ANKRD62: variants seen among roughly 807,000 people sequenced by gnomAD.
ANKRD62 encodes the protein ankyrin repeat domain 62.
ANKRD62 carries 61 observed loss-of-function variants against 98.8 expected under a neutral mutation model. The ratio of observed to expected loss-of-function variants is 0.62; its 90% CI spans 0.50 to 0.76. ANKRD62 has a LOEUF of 0.76. Ranked by LOEUF, ANKRD62 falls within the 30% of genes least tolerant of loss-of-function variation. The pLI is 0.00. For missense variants in ANKRD62, 933 were observed against 1,082.9 expected (o/e 0.86, Z 1.94); for synonymous variants, 341 against 367.9 (o/e 0.93, Z 0.84).
chr18:12,166,114 G>A, the ANKRD62 span, among the ~76,000 whole-genome samples: 1 of 152,040 alleles, frequency 6.6e-6, no homozygotes, highest in African/African-American at 2.4e-5. Flanking sequence ...CCTGGAGGTA[G>A]TCTGTTTTGG....
chr18:12,117,792 C>T (rs1909696284), intron 10 of ANKRD62, among the ~76,000 whole-genome samples: 1 of 152,168 alleles, frequency 6.6e-6, no homozygotes, highest in Admixed American at 6.5e-5. Flanking sequence ...TAAGCCAACC[C>T]TGCAGTCCTG....
At chr18:12,177,705 T>A in the ANKRD62 span, among the ~76,000 whole-genome samples, 12 of 151,682 alleles carry the variant, frequency 7.9e-5, no homozygotes, top group East Asian at 2.3e-3. Context: ...ATGTATTGAG[T>A]TCATCCTGGG....
At position 12,094,107 on chromosome 18, in the gene ANKRD62, C is replaced by T. The variant is rs1023118662; in HGVS notation, c.90C>T (p.Pro30=). The T allele has an allele frequency of 1.6e-5, 24 of 1,534,344 alleles. No homozygotes were observed. The highest frequency in any genetic ancestry group is 1.8e-5 in the Non-Finnish European group (21 of 1,146,650). Residue 30 remains proline (P), a synonymous_variant, in exon 1 of 14, where the codon CCC becomes CCT. Coordinates refer to ENST00000587848, the MANE Select transcript of ANKRD62 (RefSeq NM_001277333.2). ...KNRDKDGFSN[P]GYRVRQKDLG... ...GTGACAAGGATGGCTTCTCAAATCC[C>T]GGGTACCGAGTCCGGCAGAAGGATC...
At chr18:12,156,244 A>G in the ANKRD62 span, among the ~76,000 whole-genome samples, 1 of 152,154 alleles carries the variant, frequency 6.6e-6, no homozygotes, top group South Asian at 2.1e-4. Flanking sequence ...CCATAAACCA[A>G]ATACATTTCT....
chr18:12,169,100 CT>C, the ANKRD62 span, among the ~76,000 whole-genome samples: 1 of 152,186 alleles, frequency 6.6e-6, no homozygotes, highest in African/African-American at 2.4e-5. Context: ...TTGACTTCCT[CT>C]TTTCCTAATT....
chr18:12,107,735 T>C (rs1232997243), intron 8 of ANKRD62, among the ~76,000 whole-genome samples: 1 of 152,172 alleles, frequency 6.6e-6, no homozygotes, highest in Non-Finnish European at 1.5e-5. Context: ...AAATCTTTAT[T>C]GAAGGGTAGT....
intron 5 of ANKRD62, among the ~76,000 whole-genome samples, chr18:12,098,928 T>G (rs763567722): frequency 6.6e-6 from 1 of 152,252 alleles, no homozygotes; most frequent in Non-Finnish European, 1.5e-5. Flanking sequence ...GTTAGCTTTC[T>G]GCCTTTGGTG....
chr18:12,097,545 T>C, intron 4 of ANKRD62, 95 bp from the exon 5 acceptor site: 1 of 1,302,706 alleles, frequency 7.7e-7, no homozygotes, highest in Non-Finnish European at 1.0e-6. Flanking sequence ...TAATTCTACA[T>C]GGACAGGCAT....
At chr18:12,151,675 C>A in the ANKRD62 span, among the ~76,000 whole-genome samples, 209 of 152,254 alleles carry the variant, frequency 1.4e-3, no homozygotes, top group African/African-American at 4.9e-3. Flanking sequence ...AAGAATAAAT[C>A]AACCTCACAG....
At chr18:12,138,593 G>C in the ANKRD62 span, among the ~76,000 whole-genome samples, 3 of 152,206 alleles carry the variant, frequency 2.0e-5, no homozygotes, top group Admixed American at 6.5e-5. Flanking sequence ...TCAATTCCTG[G>C]ATGTCCTTGT....
the ANKRD62 span, among the ~76,000 whole-genome samples, chr18:12,151,196 A>G: frequency 3.3e-4 from 51 of 152,368 alleles, no homozygotes; most frequent in Admixed American, 9.8e-4. Flanking sequence ...AAAGAAGGGC[A>G]TTAAATAATG....
chr18:12,140,877 A>C, the ANKRD62 span, among the ~76,000 whole-genome samples: 1 of 152,166 alleles, frequency 6.6e-6, no homozygotes, highest in South Asian at 2.1e-4. Context: ...TCTCTCTTCA[A>C]AGCTGCCAGA....
At chr18:12,176,578 A>G in the ANKRD62 span, among the ~76,000 whole-genome samples, 9 of 123,216 alleles carry the variant, frequency 7.3e-5, 2 homozygotes, top group East Asian at 4.9e-4. Context: ...AGTAGCCCCC[A>G]GAAGGGTGTG....
downstream of ANKRD62, among the ~76,000 whole-genome samples, chr18:12,131,736 A>AGTGT (rs59080091): frequency 6.3e-4 from 94 of 148,812 alleles, no homozygotes; most frequent in South Asian, 9.0e-3. Flanking sequence ...TGTATGTGTG[A>AGTGT]GTGTGTGTGT....
rs1284943701 is a variant in ANKRD62, at chr18:12,115,389, A to G, written c.1099-4A>G. 7 of 1,528,708 alleles carry G rather than the reference A, an allele frequency of 4.6e-6. No homozygotes were observed. Among genetic ancestry groups the G allele is most frequent in the Non-Finnish European group, 6.1e-6 (7 of 1,143,114 alleles). The allele number at this position is 1,528,708 out of a possible 1,614,324, so 94.7% of individuals were successfully genotyped here. On this transcript the variant is annotated splice_region_variant and splice_polypyrimidine_tract_variant and intron_variant, in intron 9 of 13. Transcript: ENST00000587848. ...ATTTTGAAACAGTGTTATTTATTTT[A>G]TAGGTTAAAAGCCAAATATATTTCA...
In ANKRD62 at chr18:12,129,266, T is replaced by C. The variant is rs1208848592; in HGVS notation, c.*1327T>C. On this transcript the variant is annotated 3_prime_UTR_variant, in exon 14 of 14. Transcript: ENST00000587848. ...AATAGAAATTAGAAAAGAAAAATAC[T>C]GTGTTTTAATCCTAGAGCATAGGCA... The C allele has an allele frequency of 1.3e-5, 2 of 152,236 alleles. No individual in the cohort carries two copies. Among genetic ancestry groups the C allele is most frequent in the Non-Finnish European group, 2.9e-5 (2 of 68,054 alleles). 9.4% of individuals were successfully genotyped at this position (152,236 alleles called of 1,614,324 possible). A position where few individuals can be genotyped will look rare whatever the true frequency, so the allele number is the denominator to read the frequency against.
At chr18:12,130,150 C>A (rs1275946366), downstream of ANKRD62, among the ~76,000 whole-genome samples, 1 of 152,056 alleles carries the variant, frequency 6.6e-6, no homozygotes, top group Non-Finnish European at 1.5e-5. Context: ...TTTTGAAATG[C>A]ATAAATTTTC....
chr18:12,168,567 A>C, the ANKRD62 span, among the ~76,000 whole-genome samples: 2 of 152,158 alleles, frequency 1.3e-5, no homozygotes, highest in African/African-American at 2.4e-5. Flanking sequence ...GTCAGGTAGC[A>C]TGATGCCTTC....
chr18:12,102,597 CTGTT>C (rs1909327751), intron 6 of ANKRD62: 3 of 447,482 alleles, frequency 6.7e-6, no homozygotes, highest in Admixed American at 4.8e-5. Context: ...TTATATAAAA[CTGTT>C]TGTCTGGGGA....
Sources: gnomAD v4.1 joint callset for allele counts (sites outside exome capture counted in the v4.1 genomes callset) on GRCh38, gnomAD v4.1.1 for gene constraint, MANE v1.5 for transcripts, NCBI Gene and HGNC (gene_info 2026-07-23, HGNC 2026-07-21) for gene names.